The following AGBL2 variants were observed in gnomAD, a reference collection of about 807,000 sequenced individuals.
AGBL2 encodes the protein AGBL carboxypeptidase 2.
Under a neutral mutation model 103.0 loss-of-function variants are expected in AGBL2, and 87 were observed. That is an observed-to-expected ratio of 0.84 (90% confidence interval 0.71 to 1.01). The LOEUF (loss-of-function observed/expected upper bound fraction) is 1.01, where lower values mean the gene tolerates loss of function less well. AGBL2 is among the 50% of genes least tolerant of loss of function. The pLI, the probability that AGBL2 is intolerant of heterozygous loss-of-function variation, is 0.00. For synonymous variants in AGBL2, 335 were observed against 356.7 expected (o/e 0.94, Z 0.69); for missense variants, 904 against 1,023.5 (o/e 0.88, Z 1.59).
intron 11 of AGBL2, among the ~76,000 whole-genome samples, chr11:47,684,039 T>A (rs1369623315): frequency 6.6e-6 from 1 of 151,308 alleles, no homozygotes; most frequent in African/African-American, 2.4e-5. Flanking sequence ...GATCACAAGG[T>A]AAGGAGTTTG....
chr11:47,666,722 T>C lies in AGBL2; in HGVS notation c.2448+234A>G, dbSNP rs554247283. 7 of 609,494 alleles carry C rather than the reference T, an allele frequency of 1.1e-5. No homozygotes were observed. The East Asian group carries it at 1.9e-4, about 17-fold the overall frequency. 37.8% of individuals were successfully genotyped at this position (609,494 alleles called of 1,614,324 possible). ...GGATGGTAAGTAAGGCAGCCTGTTC[T>C]TATGTTCTTGGTGTAAAATCACAAA... On this transcript the variant is annotated intron_variant, in intron 17 of 18. Transcript: ENST00000525123.
At chr11:47,663,579 G>A (rs946385524) in intron 17 of AGBL2, among the ~76,000 whole-genome samples, 9 of 150,230 alleles carry the variant, frequency 6.0e-5, no homozygotes, top group Non-Finnish European at 1.0e-4. Context: ...TTTTTAAGAC[G>A]GAGTTTCACT....
At chr11:47,697,362 C>T (rs996888845) in intron 8 of AGBL2, among the ~76,000 whole-genome samples, 1 of 151,822 alleles carries the variant, frequency 6.6e-6, no homozygotes, top group African/African-American at 2.4e-5. Flanking sequence ...CCTCAGCCTC[C>T]TGAATAGCTG....
intron 3 of AGBL2, 32 bp downstream of exon 3, chr11:47,714,252 A>G (rs964497608): frequency 6.3e-7 from 1 of 1,577,652 alleles, no homozygotes. Flanking sequence ...TGAGTCCAGG[A>G]AAGGTGATAC....
chr11:47,695,279 A>G (rs1234918431), intron 8 of AGBL2, among the ~76,000 whole-genome samples: 1 of 152,174 alleles, frequency 6.6e-6, no homozygotes, highest in Non-Finnish European at 1.5e-5. Context: ...GTTAGAGACC[A>G]GCCTGGCTGA....
intron 3 of AGBL2, among the ~76,000 whole-genome samples, chr11:47,713,560 C>G (rs1319366674): frequency 6.6e-6 from 1 of 150,444 alleles, no homozygotes; most frequent in African/African-American, 2.4e-5. Flanking sequence ...TGTCATAAGC[C>G]AATTGCAAAA....
intron 11 of AGBL2, among the ~76,000 whole-genome samples, chr11:47,684,500 G>A (rs576499045): frequency 8.0e-5 from 12 of 150,608 alleles, no homozygotes; most frequent in African/African-American, 2.9e-4. Context: ...AGGTTGCAGT[G>A]AGCCGAGATC....
intron 14 of AGBL2, among the ~76,000 whole-genome samples, chr11:47,670,862 G>T (rs2097355221): frequency 1.3e-5 from 2 of 152,004 alleles, no homozygotes; most frequent in Admixed American, 6.6e-5. Flanking sequence ...AGGTGTGGTG[G>T]TGTACGCCTA....
chr11:47,699,098 C>G lies in AGBL2; in HGVS notation c.694+348G>C, dbSNP rs140787487. ...CACAGGAAACTGCATTACTAAATGA[C>G]AGTCATATGCACATAGAACAAAGTA... On this transcript the variant is annotated intron_variant, in intron 8 of 18. Coordinates refer to ENST00000525123, the MANE Select transcript of AGBL2 (RefSeq NM_024783.4). 1.2e-3 allele frequency among the ~76,000 whole-genome samples: 179 copies of G among 151,888 alleles called. 2 individuals carry two copies. The highest frequency in any genetic ancestry group is 6.8e-3 in the Middle Eastern group (2 of 294).
intron 6 of AGBL2, 187 bp downstream of exon 6, chr11:47,705,334 G>C (rs2097513775): frequency 6.4e-6 from 1 of 155,422 alleles, no homozygotes; most frequent in Non-Finnish European, 1.4e-5. Flanking sequence ...AGAAAAGAAA[G>C]GCTTTCAGGA....
intron 14 of AGBL2, among the ~76,000 whole-genome samples, chr11:47,676,601 C>G (rs968057221): frequency 2.6e-5 from 4 of 152,050 alleles, no homozygotes; most frequent in Non-Finnish European, 5.9e-5. Context: ...GGGTGGATCA[C>G]GAGGTCAGGA....
At chr11:47,691,447 C>A (rs56096002) in intron 9 of AGBL2, among the ~76,000 whole-genome samples, 16,893 of 148,164 alleles carry the variant, frequency 0.11, 1,097 homozygotes, top group Non-Finnish European at 0.15. Context: ...GTGGCTCATG[C>A]CTGTAATCCC....
At chr11:47,698,174 T>TC (rs1367189590) in intron 8 of AGBL2, among the ~76,000 whole-genome samples, 1 of 145,678 alleles carries the variant, frequency 6.9e-6, no homozygotes, top group Non-Finnish European at 1.5e-5. Context: ...CATAATTTTT[T>TC]TTTTTTTTTT....
intron 10 of AGBL2, among the ~76,000 whole-genome samples, 165 bp from the exon 11 acceptor site, chr11:47,686,214 G>A (rs2097422992): frequency 6.6e-6 from 1 of 152,096 alleles, no homozygotes; most frequent in Non-Finnish European, 1.5e-5. Context: ...CTCAGCCACT[G>A]CAGAAAACAT....
At chr11:47,668,785 A>G in intron 15 of AGBL2, 56 bp downstream of exon 15, 2 of 1,267,194 alleles carry the variant, frequency 1.6e-6, no homozygotes, top group African/African-American at 2.9e-5. Context: ...ATTGTCTGGT[A>G]GTGTCATGAC....
chr11:47,711,103 G>C (rs1264433218), intron 3 of AGBL2, among the ~76,000 whole-genome samples: 1 of 151,556 alleles, frequency 6.6e-6, no homozygotes, highest in African/African-American at 2.4e-5. Context: ...AATAGAAAAG[G>C]CTTGCAGAAG....
intron 4 of AGBL2, among the ~76,000 whole-genome samples, chr11:47,706,304 C>T (rs1051078014): frequency 2.0e-5 from 3 of 151,966 alleles, no homozygotes; most frequent in Admixed American, 2.0e-4. Context: ...ATCACGAGGT[C>T]AGGAGATCGA....
intron 8 of AGBL2, among the ~76,000 whole-genome samples, chr11:47,697,782 G>A (rs1331329193): frequency 1.3e-5 from 2 of 149,238 alleles, no homozygotes; most frequent in South Asian, 4.2e-4. Context: ...TCCTGACCTC[G>A]TCGTCCGCCC....
intron 14 of AGBL2, among the ~76,000 whole-genome samples, chr11:47,675,113 C>G (rs183160831): frequency 1.3e-5 from 2 of 151,746 alleles, no homozygotes; most frequent in East Asian, 1.9e-4. Flanking sequence ...GCTGGCTCCT[C>G]CCCTATTAAA....
Sources: allele counts gnomAD v4.1 joint callset (sites outside exome capture counted in the v4.1 genomes callset), GRCh38; gene constraint gnomAD v4.1.1; transcripts MANE v1.5; gene names NCBI Gene and HGNC (gene_info 2026-07-23, HGNC 2026-07-21).